Variants in PHF21B observed in about 807,000 individuals in gnomAD.
PHF21B encodes PHD finger protein 4.
In PHF21B, 22 loss-of-function variants were observed where a neutral mutation model predicts 62.2. The observed-to-expected ratio is 0.35, with a 90% CI of 0.25 to 0.51. The LOEUF (loss-of-function observed/expected upper bound fraction) is 0.51, where lower values mean the gene tolerates loss of function less well. Among genes scored for constraint, PHF21B ranks in the 20% least tolerant of loss-of-function variants. The pLI, the probability that PHF21B is intolerant of heterozygous loss-of-function variation, is 0.97. For missense variants in PHF21B, 701 were observed against 707.9 expected (o/e 0.99, Z 0.11); for synonymous variants, 341 against 314.7 (o/e 1.08, Z -0.88).
At chr22:44,962,049 T>C (rs1314026099) in intron 2 of PHF21B, among the ~76,000 whole-genome samples, 1 of 152,160 alleles carries the variant, frequency 6.6e-6, no homozygotes, top group Admixed American at 6.5e-5. Context: ...TCTTTGCTAT[T>C]GTGAGTAATG....
At position 44,916,388 on chromosome 22, in the gene PHF21B, G is replaced by A. The variant is rs1275914311; in HGVS notation, c.456C>T (p.Ile152=). ...PLSSAGVAYA[I]ISTSPSNAAA... is the part of the protein sequence containing the mutation. ...CGGCATTGCTGGGGGAGGTGGAGAT[G>A]ATGGCGTAGGCCACCCCCGCACTGC... is the stretch of plus-strand genomic sequence containing the variant. Residue 152 remains isoleucine (I), a synonymous_variant, in exon 4 of 13, where the codon ATC becomes ATT. Transcript: ENST00000313237. 1.3e-6 allele frequency: 2 copies of A among 1,591,072 alleles called. No individual in the cohort carries two copies. Among genetic ancestry groups the A allele is most frequent in the African/African-American group, 2.7e-5 (2 of 73,956 alleles).
chr22:45,001,053 C>T (rs1046680575), intron 2 of PHF21B: 1 of 152,248 alleles, frequency 6.6e-6, no homozygotes, highest in African/African-American at 2.4e-5. Flanking sequence ...GCCGTGAACC[C>T]CCGTGTGCTG....
intron 6 of PHF21B, 120 bp downstream of exon 6, chr22:44,895,912 C>G: frequency 9.2e-7 from 1 of 1,083,762 alleles, no homozygotes; most frequent in East Asian, 2.4e-5. Context: ...TGTGAGGCCA[C>G]GCTCCACCCA....
intron 2 of PHF21B, among the ~76,000 whole-genome samples, chr22:44,923,101 G>A (rs1220550894): frequency 1.3e-5 from 2 of 151,642 alleles, no homozygotes; most frequent in African/African-American, 2.4e-5. Flanking sequence ...ATAAAGCTAT[G>A]GTAATCAAGA....
intron 2 of PHF21B, among the ~76,000 whole-genome samples, chr22:44,968,439 T>C (rs1316735520): frequency 6.6e-6 from 1 of 151,802 alleles, no homozygotes; most frequent in Non-Finnish European, 1.5e-5. Flanking sequence ...AGGTCAGGAG[T>C]TCGAGACCAG....
rs565071994 is a variant in PHF21B, at chr22:44,945,272, G to C, written c.121-24782C>G. 1.0e-3 allele frequency among the ~76,000 whole-genome samples: 158 copies of C among 152,282 alleles called. 1 individual carries two copies. Among genetic ancestry groups the C allele is most frequent in the African/African-American group, 3.2e-3 (133 of 41,562 alleles). Reference sequence around the variant, plus strand: ...AGCTTTCCCCAGTGGGAACGGACAGGCTCGCTCTGGGTAGGAGCAGCAGGG... The same window carrying C: ...AGCTTTCCCCAGTGGGAACGGACAGCCTCGCTCTGGGTAGGAGCAGCAGGG... On this transcript the variant is annotated intron_variant, in intron 2 of 12. Transcript: ENST00000313237.
intron 2 of PHF21B, among the ~76,000 whole-genome samples, chr22:44,968,505 G>T (rs1012405054): frequency 6.6e-6 from 1 of 152,056 alleles, no homozygotes. Context: ...GTAGCCGAGC[G>T]TGGTGGCACG....
chr22:44,885,806 C>A (rs2070846551), intron 11 of PHF21B, 57 bp downstream of exon 11: 7 of 1,559,734 alleles, frequency 4.5e-6, no homozygotes, highest in Non-Finnish European at 5.3e-6. Context: ...GCCCAGAGGC[C>A]TGGGTGGGGG....
chr22:44,885,589 A>G, intron 11 of PHF21B, 60 bp from the exon 12 acceptor site: 1 of 1,468,016 alleles, frequency 6.8e-7, no homozygotes, highest in South Asian at 1.3e-5. Context: ...TGGGTCGTAG[A>G]GTAAATGGGA....
At chr22:44,932,258 C>A (rs1716709451) in intron 2 of PHF21B, among the ~76,000 whole-genome samples, 1 of 152,190 alleles carries the variant, frequency 6.6e-6, no homozygotes, top group African/African-American at 2.4e-5. Context: ...GAATGCCCCA[C>A]CCCAGAGAGG....
chr22:45,008,317 T>G (rs2073363280), intron 2 of PHF21B: 1 of 384,292 alleles, frequency 2.6e-6, no homozygotes, highest in East Asian at 4.0e-5. Context: ...GCCTTTTAAG[T>G]GAGCTCCTCT....
chr22:44,886,296 C>A (rs910277993), intron 10 of PHF21B, among the ~76,000 whole-genome samples: 1 of 150,592 alleles, frequency 6.6e-6, no homozygotes, highest in Non-Finnish European at 1.5e-5. Flanking sequence ...CGATGTCCCC[C>A]ACACTATGCT....
Position 44,916,610 on chromosome 22 carries a change from A to G in PHF21B, c.234T>C (p.Ile78=). 1.9e-6 allele frequency: 3 copies of G among 1,602,320 alleles called. No homozygotes were observed. The highest frequency in any genetic ancestry group is 2.5e-6 in the Non-Finnish European group (3 of 1,179,882). The change falls in exon 4 of 13, where the codon ATT becomes ATC. Residue 78 remains isoleucine (I), a synonymous_variant. Transcript: ENST00000313237. ...VLPQVRPKTL[I]PDSLPVAPGR... ...CCGGGGCAACGGGGAGGCTGTCTGG[A>G]ATCAGAGTCTTTGGCCTAACCTGGG...
In PHF21B at chr22:44,895,761, C is replaced by T. The variant is rs559584012; in HGVS notation, c.883+271G>A. Among the ~76,000 whole-genome samples, 105 of 152,280 alleles carry T rather than the reference C, an allele frequency of 6.9e-4. No homozygotes were observed. The South Asian group carries it at 0.02, about 29-fold the overall frequency. ...ATTGTGCATAGTCATGGAGCCAGGG[C>T]GAGTCTGGAAGGCTTCTCTGTCTTG... On this transcript the variant is annotated intron_variant, in intron 6 of 12. Coordinates refer to ENST00000313237, the MANE Select transcript of PHF21B (RefSeq NM_138415.5).
intron 2 of PHF21B, among the ~76,000 whole-genome samples, chr22:44,984,168 C>T (rs1166459030): frequency 7.3e-6 from 1 of 137,304 alleles, no homozygotes; most frequent in Non-Finnish European, 1.6e-5. Context: ...TCACCACCAT[C>T]ATCACCATCA....
At chr22:44,962,698 C>A (rs185991683) in intron 2 of PHF21B, among the ~76,000 whole-genome samples, 1 of 152,164 alleles carries the variant, frequency 6.6e-6, no homozygotes, top group East Asian at 1.9e-4. Flanking sequence ...TCCCATATAA[C>A]CCAGCGTCTT....
intron 2 of PHF21B, among the ~76,000 whole-genome samples, chr22:44,955,730 A>G (rs1429931521): frequency 6.6e-6 from 1 of 152,132 alleles, no homozygotes; most frequent in Non-Finnish European, 1.5e-5. Flanking sequence ...CAGAGTCTCC[A>G]GTTTCCAGGT....
chr22:44,885,355 T>C, intron 12 of PHF21B, 71 bp downstream of exon 12: 1 of 1,406,306 alleles, frequency 7.1e-7, no homozygotes, highest in Non-Finnish European at 9.6e-7. Context: ...TAAGGACACA[T>C]CTATCTGTCC....
At chr22:44,938,897 C>G (rs1002853204) in intron 2 of PHF21B, among the ~76,000 whole-genome samples, 1 of 152,218 alleles carries the variant, frequency 6.6e-6, no homozygotes, top group Non-Finnish European at 1.5e-5. Flanking sequence ...AGGAAGGACT[C>G]GTGTCTCGCT....
Sources: allele counts gnomAD v4.1 joint callset (sites outside exome capture counted in the v4.1 genomes callset), GRCh38; gene constraint gnomAD v4.1.1; transcripts MANE v1.5; gene names NCBI Gene and HGNC (gene_info 2026-07-23, HGNC 2026-07-21).